The following LRCH1 variants were observed in gnomAD, a reference collection of about 807,000 sequenced individuals.
The protein encoded by LRCH1 is leucine rich repeats and calponin homology domain containing 1, also known as leucine-rich repeat and calponin homology domain-containing protein 1.
In LRCH1, 23 loss-of-function variants were observed where a neutral mutation model predicts 94.9. That is an observed-to-expected ratio of 0.24 (90% confidence interval 0.17 to 0.34). The LOEUF (loss-of-function observed/expected upper bound fraction) is 0.34, where lower values mean the gene tolerates loss of function less well. Among genes scored for constraint, LRCH1 ranks in the 10% least tolerant of loss-of-function variants. The pLI, the probability that LRCH1 is intolerant of heterozygous loss-of-function variation, is 1.00. For missense variants in LRCH1, 790 were observed against 945.9 expected (o/e 0.84, Z 2.16); for synonymous variants, 364 against 354.9 (o/e 1.03, Z -0.29).
At chr13:46,589,899 G>A (rs1436979872) in intron 1 of LRCH1, among the ~76,000 whole-genome samples, 2 of 148,228 alleles carry the variant, frequency 1.3e-5, no homozygotes, top group Non-Finnish European at 3.0e-5. Context: ...CTGTGCCTGG[G>A]ATTTTTTTTT....
intron 1 of LRCH1, among the ~76,000 whole-genome samples, chr13:46,632,064 A>G (rs944877529): frequency 2.0e-5 from 3 of 152,088 alleles, no homozygotes; most frequent in Non-Finnish European, 2.9e-5. Context: ...TTAACTCCGT[A>G]TAGTGGTGCA....
intron 1 of LRCH1, among the ~76,000 whole-genome samples, chr13:46,638,155 T>C (rs1594305861): frequency 6.6e-6 from 1 of 152,236 alleles, no homozygotes; most frequent in South Asian, 2.1e-4. Context: ...GTGACAAATA[T>C]AGTATTTGTA....
intron 1 of LRCH1, among the ~76,000 whole-genome samples, chr13:46,560,791 T>C (rs974303587): frequency 6.6e-6 from 1 of 152,234 alleles, no homozygotes; most frequent in Non-Finnish European, 1.5e-5. Context: ...CATTCTAATA[T>C]AGACTCAAAC....
At chr13:46,676,369 A>C (rs893803147) in intron 3 of LRCH1, among the ~76,000 whole-genome samples, 11 of 152,214 alleles carry the variant, frequency 7.2e-5, no homozygotes, top group Non-Finnish European at 1.6e-4. Flanking sequence ...GTTTCAACCA[A>C]AATCATTTCA....
chr13:46,680,972 C>T (rs747499691), intron 3 of LRCH1, among the ~76,000 whole-genome samples: 27 of 152,124 alleles, frequency 1.8e-4, no homozygotes, highest in African/African-American at 2.9e-4. Context: ...GAGCCCAGCA[C>T]GGCTCCCAGA....
chr13:46,596,586 G>A (rs1056341501), intron 1 of LRCH1, among the ~76,000 whole-genome samples: 1 of 152,198 alleles, frequency 6.6e-6, no homozygotes, highest in African/African-American at 2.4e-5. Context: ...AGACATCTTT[G>A]TTAGAATATG....
At chr13:46,575,122 A>G (rs945326960) in intron 1 of LRCH1, among the ~76,000 whole-genome samples, 2 of 152,172 alleles carry the variant, frequency 1.3e-5, no homozygotes, top group African/African-American at 4.8e-5. Context: ...AATCCTCTTT[A>G]GGGTCCAGCC....
intron 1 of LRCH1, among the ~76,000 whole-genome samples, chr13:46,590,587 C>T (rs931459884): frequency 1.3e-5 from 2 of 152,086 alleles, no homozygotes; most frequent in Admixed American, 6.5e-5. Flanking sequence ...ATCACTTGAG[C>T]CCAGGAGTTT....
In LRCH1 at chr13:46,712,573, C is replaced by G. The variant is rs766547620; in HGVS notation, c.1630C>G (p.Pro544Ala). ...AVSPTTNSTA[P>A]FGLKPRSDPA... Reference sequence around the variant, plus strand: ...CTCTCCTACCACAAACAGCACAGCTCCATTTGGCCTGAAGCCTCGATCAGG... The same window carrying G: ...CTCTCCTACCACAAACAGCACAGCTGCATTTGGCCTGAAGCCTCGATCAGG... Residue 544 changes from proline to alanine, a missense_variant, in exon 15 of 20, where the codon CCA (proline) becomes GCA (alanine). Coordinates refer to ENST00000389797, the MANE Select transcript of LRCH1 (RefSeq NM_001164211.2). 21 of 1,613,854 alleles carry G rather than the reference C, an allele frequency of 1.3e-5. No homozygotes were observed. The highest frequency in any genetic ancestry group is 1.6e-4 in the Middle Eastern group (1 of 6,084).
chr13:46,745,074 C>G (rs1873856720), downstream of LRCH1, among the ~76,000 whole-genome samples: 1 of 152,106 alleles, frequency 6.6e-6, no homozygotes, highest in South Asian at 2.1e-4. Context: ...CCTCAAAAAG[C>G]TTACAGTCTA....
Position 46,736,396 on chromosome 13 carries a change from A to C in LRCH1, c.2085+2398A>C, listed in dbSNP as rs765826578. Among the ~76,000 whole-genome samples, 24 of 152,158 alleles carry C rather than the reference A, an allele frequency of 1.6e-4. 1 individual carries two copies. The highest frequency in any genetic ancestry group is 2.6e-4 in the Non-Finnish European group (18 of 68,036). ...GTACAGGAAATGTTTTTACCTTAGG[A>C]ATATGACACTAAATTGAGGGACCAG... On this transcript the variant is annotated intron_variant, in intron 19 of 19. Transcript: ENST00000389797.
At chr13:46,645,568 A>G (rs1481637047) in intron 1 of LRCH1, among the ~76,000 whole-genome samples, 1 of 152,222 alleles carries the variant, frequency 6.6e-6, no homozygotes, top group African/African-American at 2.4e-5. Context: ...CTTTGAAAAG[A>G]ATGTTAGAAC....
chr13:46,735,312 C>G (rs1237725280), intron 19 of LRCH1, among the ~76,000 whole-genome samples: 1 of 152,156 alleles, frequency 6.6e-6, no homozygotes, highest in Non-Finnish European at 1.5e-5. Context: ...TGATTTGATT[C>G]TGTCATGGGC....
At chr13:46,745,909 G>A (rs1873891364), downstream of LRCH1, among the ~76,000 whole-genome samples, 1 of 152,140 alleles carries the variant, frequency 6.6e-6, no homozygotes, top group Admixed American at 6.5e-5. Flanking sequence ...TTCCTGCCAG[G>A]ACAAGATGAG....
At chr13:46,673,835 C>G (rs2051635257) in intron 3 of LRCH1, among the ~76,000 whole-genome samples, 1 of 146,246 alleles carries the variant, frequency 6.8e-6, no homozygotes. Flanking sequence ...GGCTAGAGTG[C>G]AGCGGCACAA....
intron 1 of LRCH1, among the ~76,000 whole-genome samples, chr13:46,616,333 A>G (rs1031782529): frequency 1.3e-5 from 2 of 152,204 alleles, no homozygotes; most frequent in African/African-American, 4.8e-5. Context: ...GCGCCATAAA[A>G]ATAACTTATT....
intron 1 of LRCH1, among the ~76,000 whole-genome samples, chr13:46,603,203 G>A (rs2050650581): frequency 6.6e-6 from 1 of 151,982 alleles, no homozygotes; most frequent in Non-Finnish European, 1.5e-5. Flanking sequence ...TTTCTTCTTG[G>A]TGTGGCCCTG....
intron 1 of LRCH1, among the ~76,000 whole-genome samples, chr13:46,554,054 G>A (rs2050034782): frequency 6.6e-6 from 1 of 152,252 alleles, no homozygotes; most frequent in Non-Finnish European, 1.5e-5. Flanking sequence ...GTGTAAGTGG[G>A]AGGTTTCAGG....
intron 8 of LRCH1, 82 bp downstream of exon 8, chr13:46,692,723 C>A (rs1870967710): frequency 4.0e-6 from 4 of 987,896 alleles, no homozygotes; most frequent in Admixed American, 1.9e-5. Context: ...ACAGATAGGG[C>A]AGTGATAATC....
Sources: gnomAD v4.1 joint callset for allele counts (sites outside exome capture counted in the v4.1 genomes callset) on GRCh38, gnomAD v4.1.1 for gene constraint, MANE v1.5 for transcripts, NCBI Gene and HGNC (gene_info 2026-07-23, HGNC 2026-07-21) for gene names.